The following TRIM71 variants were observed in gnomAD, a reference collection of about 807,000 sequenced individuals.
The protein encoded by TRIM71 is tripartite motif containing 71.
A neutral mutation model predicts 61.2 loss-of-function variants in TRIM71; 9 were observed. That is an observed-to-expected ratio of 0.15 (90% CI 0.09 to 0.26). The LOEUF is 0.26. TRIM71 is among the 10% of genes least tolerant of loss of function. TRIM71 has a pLI of 1.00. For missense variants in TRIM71, 998 were observed against 1,238.7 expected, an observed-to-expected ratio of 0.81 and a Z score of 2.92; for synonymous variants, 645 against 553.2, an observed-to-expected ratio of 1.17 and a Z score of -2.33.
intron 1 of TRIM71, among the ~76,000 whole-genome samples, chr3:32,842,605 CAG>C (rs1172765913): frequency 6.6e-6 from 1 of 152,192 alleles, no homozygotes; most frequent in Non-Finnish European, 1.5e-5. Context: ...GGGGCGGGTG[CAG>C]AGTCTTGCCA....
At chr3:32,878,854 C>G (rs749889501) in intron 2 of TRIM71, among the ~76,000 whole-genome samples, 1 of 152,178 alleles carries the variant, frequency 6.6e-6, no homozygotes, top group Non-Finnish European at 1.5e-5. Context: ...AGCTTTGAAG[C>G]CAGGCATTGA....
intron 1 of TRIM71, among the ~76,000 whole-genome samples, chr3:32,825,581 C>G (rs1429521085): frequency 1.3e-5 from 2 of 152,120 alleles, no homozygotes; most frequent in Non-Finnish European, 2.9e-5. Context: ...ACTATGCAGG[C>G]AGTTTCAAAA....
chr3:32,825,587 C>A (rs1319026607), intron 1 of TRIM71, among the ~76,000 whole-genome samples: 1 of 152,176 alleles, frequency 6.6e-6, no homozygotes, highest in Admixed American at 6.5e-5. Context: ...CAGGCAGTTT[C>A]AAAATACTGC....
chr3:32,827,733 G>A (rs1696220904), intron 1 of TRIM71, among the ~76,000 whole-genome samples: 1 of 152,154 alleles, frequency 6.6e-6, no homozygotes, highest in South Asian at 2.1e-4. Context: ...GACACCCTGT[G>A]AATTCCAGGG....
intron 1 of TRIM71, among the ~76,000 whole-genome samples, chr3:32,835,652 C>CT (rs983984738): frequency 1.5e-4 from 23 of 152,144 alleles, no homozygotes; most frequent in African/African-American, 4.1e-4. Flanking sequence ...TTTCTCCTTC[C>CT]TTCACCATCC....
chr3:32,875,261 T>C (rs941965054), intron 2 of TRIM71, among the ~76,000 whole-genome samples: 10 of 152,262 alleles, frequency 6.6e-5, no homozygotes, highest in African/African-American at 2.4e-4. Context: ...AACTGTTGTT[T>C]CTGTTGAATT....
intron 2 of TRIM71, among the ~76,000 whole-genome samples, chr3:32,885,182 C>G (rs565660631): frequency 6.6e-6 from 1 of 152,192 alleles, no homozygotes; most frequent in Non-Finnish European, 1.5e-5. Context: ...TACCCGAAAC[C>G]TGTTGTACCA....
chr3:32,874,981 C>T (rs1037373100), intron 2 of TRIM71, among the ~76,000 whole-genome samples: 3 of 152,050 alleles, frequency 2.0e-5, no homozygotes, highest in African/African-American at 4.8e-5. Flanking sequence ...CTGCCATTCC[C>T]AGCTAATTTT....
chr3:32,838,894 G>A (rs1201815389), intron 1 of TRIM71, among the ~76,000 whole-genome samples: 4 of 152,030 alleles, frequency 2.6e-5, no homozygotes, highest in Admixed American at 6.6e-5. Flanking sequence ...TCCTCCTCCC[G>A]GGTTCAAGTG....
At chr3:32,821,432 GTC>G (rs978384740) in intron 1 of TRIM71, among the ~76,000 whole-genome samples, 1 of 151,896 alleles carries the variant, frequency 6.6e-6, no homozygotes, top group African/African-American at 2.4e-5. Context: ...AGCCTGCAGG[GTC>G]TCTCGCCCAG....
At chr3:32,876,264 C>G (rs1372853349) in intron 2 of TRIM71, among the ~76,000 whole-genome samples, 1 of 152,166 alleles carries the variant, frequency 6.6e-6, no homozygotes, top group African/African-American at 2.4e-5. Context: ...GTGCCCTCGA[C>G]ACTGTGGCAT....
intron 1 of TRIM71, among the ~76,000 whole-genome samples, chr3:32,834,534 A>G (rs1266287692): frequency 6.6e-6 from 1 of 152,132 alleles, no homozygotes; most frequent in Non-Finnish European, 1.5e-5. Flanking sequence ...GGGGAGTTTT[A>G]CTTCTAGTAT....
At chr3:32,825,047 C>T (rs1247737388) in intron 1 of TRIM71, among the ~76,000 whole-genome samples, 3 of 152,130 alleles carry the variant, frequency 2.0e-5, no homozygotes, top group East Asian at 1.9e-4. Context: ...CTGCCTAACT[C>T]GACCTCCCAA....
chr3:32,858,855 C>G (rs1696634509), intron 1 of TRIM71, among the ~76,000 whole-genome samples: 1 of 152,140 alleles, frequency 6.6e-6, no homozygotes, highest in South Asian at 2.1e-4. Flanking sequence ...AGAAAAGTCT[C>G]CTGAAAACTT....
At chr3:32,871,808 TTAG>T (rs756660404) in intron 1 of TRIM71, among the ~76,000 whole-genome samples, 1 of 152,200 alleles carries the variant, frequency 6.6e-6, no homozygotes, top group Admixed American at 6.5e-5. Context: ...GTGATCAAAA[TTAG>T]TAGGAAAGTT....
chr3:32,857,821 A>G (rs1022187815), intron 1 of TRIM71, among the ~76,000 whole-genome samples: 2 of 152,082 alleles, frequency 1.3e-5, no homozygotes, highest in African/African-American at 4.8e-5. Flanking sequence ...AAACACAAAA[A>G]TTAGCCGGGT....
intron 1 of TRIM71, among the ~76,000 whole-genome samples, chr3:32,859,038 G>A (rs1298799178): frequency 2.0e-5 from 3 of 152,074 alleles, no homozygotes; most frequent in Non-Finnish European, 4.4e-5. Context: ...GCAGAAGTGT[G>A]GGGTTTCTCC....
At chr3:32,874,588 TCTCGG>T (rs1458289711) in intron 2 of TRIM71, among the ~76,000 whole-genome samples, 1 of 152,070 alleles carries the variant, frequency 6.6e-6, no homozygotes, top group Non-Finnish European at 1.5e-5. Context: ...AGTGGCACGA[TCTCGG>T]CTCACTGCAA....
At chr3:32,827,268 C>CTTTTTTTTTTTTT (rs369755706) in intron 1 of TRIM71, among the ~76,000 whole-genome samples, 9,885 of 126,960 alleles carry the variant, frequency 0.078, 556 homozygotes, top group Non-Finnish European at 0.12. Flanking sequence ...GGGGATAATT[C>CTTTTTTTTTTTTT]TTTTTTTTTT....
Sources: gnomAD v4.1 joint callset for allele counts (sites outside exome capture counted in the v4.1 genomes callset) on GRCh38, gnomAD v4.1.1 for gene constraint, MANE v1.5 for transcripts, NCBI Gene and HGNC (gene_info 2026-07-23, HGNC 2026-07-21) for gene names.